Variants in CPVL observed in about 807,000 individuals in gnomAD.
The protein encoded by CPVL is carboxypeptidase vitellogenic like, also known as probable serine carboxypeptidase CPVL.
Under a neutral mutation model 63.7 loss-of-function variants are expected in CPVL, and 51 were observed. That is an observed-to-expected ratio of 0.80 (90% CI 0.64 to 1.01). The LOEUF (loss-of-function observed/expected upper bound fraction) is 1.01, where lower values mean the gene tolerates loss of function less well. Among genes scored for constraint, CPVL ranks in the 50% least tolerant of loss-of-function variants. CPVL has a pLI of 0.00. For missense variants in CPVL, 530 were observed against 573.1 expected, an observed-to-expected ratio of 0.92 and a Z score of 0.77; for synonymous variants, 195 against 206.0, an observed-to-expected ratio of 0.95 and a Z score of 0.46.
At chr7:29,046,394 T>C (rs185989845) in intron 11 of CPVL, among the ~76,000 whole-genome samples, 260 of 152,204 alleles carry the variant, frequency 1.7e-3, no homozygotes, top group African/African-American at 6.0e-3. Context: ...AGGTAAACTT[T>C]TACATACAGC....
chr7:29,183,364 G>A (rs1798304706), intron 4 of CPVL, among the ~76,000 whole-genome samples: 1 of 150,980 alleles, frequency 6.6e-6, no homozygotes, highest in Non-Finnish European at 1.5e-5. Context: ...GATTATAGGT[G>A]TGAGCCACCG....
chr7:29,146,553 C>T, upstream of CPVL: 1 of 1,530,282 alleles, frequency 6.5e-7, no homozygotes, highest in Admixed American at 2.1e-5. Context: ...CCCTGCAGAA[C>T]TCGAGCCTTT....
chr7:29,156,762 A>AT (rs1794430906), intron 5 of CPVL, among the ~76,000 whole-genome samples: 1 of 152,216 alleles, frequency 6.6e-6, no homozygotes, highest in Non-Finnish European at 1.5e-5. Flanking sequence ...AAATTATCAG[A>AT]TTTTTAGCTT....
At chr7:29,181,493 CTG>C (rs996794266) in intron 4 of CPVL, 1 of 152,112 alleles carries the variant, frequency 6.6e-6, no homozygotes, top group African/African-American at 2.4e-5. Context: ...AAGCCAAAAA[CTG>C]TGAAACAACC....
intron 1 of CPVL, among the ~76,000 whole-genome samples, chr7:29,132,049 T>C (rs1239724700): frequency 6.6e-6 from 1 of 151,988 alleles, no homozygotes; most frequent in Non-Finnish European, 1.5e-5. Context: ...TTTAAGAAAA[T>C]CAAAGCAGGA....
chr7:29,053,151 A>G (rs1197567363), intron 11 of CPVL, among the ~76,000 whole-genome samples: 1 of 152,240 alleles, frequency 6.6e-6, no homozygotes, highest in African/African-American at 2.4e-5. Flanking sequence ...ATGTCAGACA[A>G]TAACAAGTGC....
chr7:29,061,764 C>T (rs748289051), intron 11 of CPVL, among the ~76,000 whole-genome samples: 8 of 151,930 alleles, frequency 5.3e-5, no homozygotes, highest in Non-Finnish European at 1.2e-4. Context: ...CTGACCAACA[C>T]GGAGAAAACT....
At chr7:29,030,496 A>G (rs1476818809) in intron 12 of CPVL, 81 bp downstream of exon 12, 15 of 1,360,930 alleles carry the variant, frequency 1.1e-5, no homozygotes, top group African/African-American at 2.9e-5. Flanking sequence ...AAGGTCGGCC[A>G]TGTCTCATTG....
intron 5 of CPVL, among the ~76,000 whole-genome samples, chr7:29,152,909 A>G (rs897472177): frequency 3.3e-5 from 5 of 152,210 alleles, no homozygotes; most frequent in African/African-American, 9.6e-5. Context: ...TCTTTGCCCA[A>G]ATGTCCACAA....
chr7:29,173,947 C>T lies in CPVL; in HGVS notation c.-11+7343G>A, dbSNP rs556248875. Among the ~76,000 whole-genome samples, 269 of 147,260 alleles carry T rather than the reference C, an allele frequency of 1.8e-3. 1 individual carries two copies. Among genetic ancestry groups the T allele is most frequent in the African/African-American group, 6.3e-3 (252 of 39,856 alleles). On this transcript the variant is annotated intron_variant, in intron 5 of 16. Coordinates refer to the CPVL transcript ENST00000409850. The stretch of plus-strand genomic sequence containing the variant: ...AGCCTGGGTGACAGAGGGAGACTGA[C>T]TCAAAAAAAAAAAAAAGAATTTCTA...
intron 11 of CPVL, among the ~76,000 whole-genome samples, chr7:29,041,790 C>A (rs1241580898): frequency 1.3e-5 from 2 of 152,002 alleles, no homozygotes; most frequent in African/African-American, 2.4e-5. Flanking sequence ...AAGATACACA[C>A]AGGATTCTGA....
At chr7:29,061,041 T>C (rs1464255365) in intron 11 of CPVL, among the ~76,000 whole-genome samples, 1 of 152,188 alleles carries the variant, frequency 6.6e-6, no homozygotes, top group Non-Finnish European at 1.5e-5. Flanking sequence ...GCATATTTTG[T>C]TCTGTTTCTT....
intron 7 of CPVL, among the ~76,000 whole-genome samples, chr7:29,076,509 T>A (rs1197298219): frequency 6.6e-6 from 1 of 152,214 alleles, no homozygotes; most frequent in Non-Finnish European, 1.5e-5. Context: ...GACCTTCGAA[T>A]GAGAAGCTCA....
At chr7:29,138,691 G>A (rs1791519728) in intron 1 of CPVL, among the ~76,000 whole-genome samples, 1 of 152,022 alleles carries the variant, frequency 6.6e-6, no homozygotes, top group African/African-American at 2.4e-5. Flanking sequence ...TATACCCAAG[G>A]CCACTCTGCA....
chr7:29,161,875 C>T (rs1795221801), intron 5 of CPVL, among the ~76,000 whole-genome samples: 1 of 152,106 alleles, frequency 6.6e-6, no homozygotes, highest in Non-Finnish European at 1.5e-5. Context: ...GTTGAACAGA[C>T]ATTTCACTAA....
At chr7:29,151,512 G>T (rs906224180), upstream of CPVL, among the ~76,000 whole-genome samples, 4 of 152,208 alleles carry the variant, frequency 2.6e-5, no homozygotes, top group African/African-American at 9.6e-5. Context: ...AGCTGAGCAA[G>T]CCCTGTGTAA....
At chr7:29,105,095 G>A (rs1266722433) in intron 3 of CPVL, among the ~76,000 whole-genome samples, 3 of 152,170 alleles carry the variant, frequency 2.0e-5, no homozygotes, top group African/African-American at 4.8e-5. Context: ...AATCTTTGTT[G>A]CACTGCTGGT....
chr7:28,994,920 G>A (rs186457361), downstream of CPVL, among the ~76,000 whole-genome samples: 30 of 152,314 alleles, frequency 2.0e-4, no homozygotes, highest in Admixed American at 1.2e-3. Context: ...GAAAAGATGT[G>A]CCAGGATGTG....
intron 12 of CPVL, among the ~76,000 whole-genome samples, chr7:29,024,197 CA>C (rs949072236): frequency 7.9e-5 from 12 of 151,728 alleles, no homozygotes; most frequent in Admixed American, 7.9e-4. Context: ...ATGAATGAAA[CA>C]AAAAAATATA....
Sources: allele counts gnomAD v4.1 joint callset (sites outside exome capture counted in the v4.1 genomes callset), GRCh38; gene constraint gnomAD v4.1.1; transcripts MANE v1.5; gene names NCBI Gene and HGNC (gene_info 2026-07-23, HGNC 2026-07-21).